GRK3: variants seen among roughly 807,000 people sequenced by gnomAD.
GRK3 encodes G protein-coupled receptor kinase 3, also known as adrenergic, beta, receptor kinase 2.
Under a neutral mutation model 95.7 loss-of-function variants are expected in GRK3, and 54 were observed. The ratio of observed to expected loss-of-function variants is 0.56; its 90% CI spans 0.45 to 0.71. The LOEUF (loss-of-function observed/expected upper bound fraction) is 0.71, where lower values mean the gene tolerates loss of function less well. Among genes scored for constraint, GRK3 ranks in the 30% least tolerant of loss-of-function variants. The pLI, the probability that GRK3 is intolerant of heterozygous loss-of-function variation, is 0.00. For synonymous variants in GRK3, 281 were observed against 290.8 expected, an observed-to-expected ratio of 0.97 and a Z score of 0.34; for missense variants, 649 against 851.2, an observed-to-expected ratio of 0.76 and a Z score of 2.96.
Position 25,592,167 on chromosome 22 carries a change from T to G in GRK3, c.114-12210T>G, listed in dbSNP as rs368064016. Among the ~76,000 whole-genome samples, 30 of 152,326 alleles carry G rather than the reference T, an allele frequency of 2.0e-4. No individual in the cohort carries two copies. In the East Asian group the frequency reaches 3.7e-3, roughly 19 times the overall value. ...AACATTTAGTATGGTCTTTTGTAAT[T>G]GTAGCCACTCTAATAGGTATGTAGT... is the stretch of plus-strand genomic sequence containing the variant. On this transcript the variant is annotated intron_variant, in intron 1 of 20. Transcript: ENST00000324198.
At chr22:25,644,892 G>A (rs2084769736) in intron 3 of GRK3, among the ~76,000 whole-genome samples, 1 of 152,178 alleles carries the variant, frequency 6.6e-6, no homozygotes, top group South Asian at 2.1e-4. Flanking sequence ...GAAGCAATGA[G>A]GGACAGTTGG....
At chr22:25,636,133 ATGT>A (rs2084699571) in intron 2 of GRK3, among the ~76,000 whole-genome samples, 1 of 152,130 alleles carries the variant, frequency 6.6e-6, no homozygotes, top group African/African-American at 2.4e-5. Context: ...TTTAAAGCTC[ATGT>A]TGTTATTTAT....
At chr22:25,649,430 TC>T (rs1226207462) in intron 3 of GRK3, among the ~76,000 whole-genome samples, 1 of 152,218 alleles carries the variant, frequency 6.6e-6, no homozygotes, top group Non-Finnish European at 1.5e-5. Context: ...TGATGAATTT[TC>T]CAACCGATTT....
chr22:25,649,885 A>G (rs2084815929), intron 3 of GRK3, among the ~76,000 whole-genome samples: 1 of 152,206 alleles, frequency 6.6e-6, no homozygotes, highest in South Asian at 2.1e-4. Context: ...TATTAATGGA[A>G]CTGAAAAGTA....
rs1166241783 is a variant in GRK3 at position 25,714,585 on chromosome 22, G to A, written c.1654+15G>A. The A allele has an allele frequency of 9.5e-6, 15 of 1,573,942 alleles. No homozygotes were observed. The highest frequency in any genetic ancestry group is 4.5e-5 in the East Asian group (2 of 44,126). The stretch of plus-strand genomic sequence containing the variant: ...CCACGAAGAAGGTAAAATAGCTCAC[G>A]TGTCTCAAAACATTTCTAATGCAGT... On this transcript the variant is annotated intron_variant, in intron 18 of 20. Transcript: ENST00000324198.
chr22:25,650,115 C>T (rs913091040), intron 3 of GRK3, among the ~76,000 whole-genome samples: 1 of 152,028 alleles, frequency 6.6e-6, no homozygotes, highest in African/African-American at 2.4e-5. Context: ...CCTCAGCCTC[C>T]TGAGTAGCTG....
rs77727908 is a variant in GRK3 at position 25,703,462 on chromosome 22, A to G, written c.1161-48A>G. 2.3e-3 allele frequency: 3,285 copies of G among 1,449,860 alleles called. 59 individuals carry two copies. The African/African-American group carries it at 0.038, about 17-fold the overall frequency. The allele number at this position is 1,449,860 out of a possible 1,614,324, so 89.8% of individuals were successfully genotyped here. The stretch of plus-strand genomic sequence containing the variant: ...CAAATATTAGTCAGTGATATGTTCT[A>G]TATCACCTGATGCCATATTTTGATA... On this transcript the variant is annotated intron_variant, in intron 13 of 20. Coordinates refer to ENST00000324198, the MANE Select transcript of GRK3 (RefSeq NM_005160.4).
intron 9 of GRK3, among the ~76,000 whole-genome samples, chr22:25,679,516 C>T (rs1007613188): frequency 2.0e-5 from 3 of 152,228 alleles, no homozygotes; most frequent in African/African-American, 7.2e-5. Flanking sequence ...CACTTTTACC[C>T]TACATCTTCT....
At chr22:25,615,718 A>G (rs2084532941) in intron 2 of GRK3, among the ~76,000 whole-genome samples, 1 of 146,128 alleles carries the variant, frequency 6.8e-6, no homozygotes, top group African/African-American at 2.6e-5. Context: ...CGGGGGAGAA[A>G]GATCCACAAA....
chr22:25,609,284 A>G (rs1272859106), intron 2 of GRK3, among the ~76,000 whole-genome samples: 2 of 151,524 alleles, frequency 1.3e-5, no homozygotes, highest in Non-Finnish European at 2.9e-5. Context: ...CTGCAAGTTC[A>G]CTCCTGTTAG....
At chr22:25,578,083 TTAAA>T (rs1262170146) in intron 1 of GRK3, among the ~76,000 whole-genome samples, 1 of 152,056 alleles carries the variant, frequency 6.6e-6, no homozygotes, top group Non-Finnish European at 1.5e-5. Context: ...AAGATAAGAG[TTAAA>T]TAAAAATTCT....
intron 1 of GRK3, among the ~76,000 whole-genome samples, chr22:25,565,969 G>A (rs1166640721): frequency 1.3e-5 from 2 of 152,154 alleles, no homozygotes; most frequent in East Asian, 3.8e-4. Flanking sequence ...GAGGGGCTCG[G>A]TGAGGTGCAT....
chr22:25,671,136 A>G (rs12159898), intron 6 of GRK3, among the ~76,000 whole-genome samples: 10,585 of 151,600 alleles, frequency 0.07, 375 homozygotes, highest in Middle Eastern at 0.15. Flanking sequence ...GGCGGATCAC[A>G]AGGTCAGGAG....
chr22:25,594,708 C>G (rs1601460374), intron 1 of GRK3, among the ~76,000 whole-genome samples: 1 of 152,018 alleles, frequency 6.6e-6, no homozygotes, highest in African/African-American at 2.4e-5. Context: ...GAAACCCTGT[C>G]TCTACTGAAA....
chr22:25,718,043 CA>C (rs1481328456), intron 18 of GRK3, among the ~76,000 whole-genome samples: 1 of 152,186 alleles, frequency 6.6e-6, no homozygotes, highest in Non-Finnish European at 1.5e-5. Context: ...ACTGTGTGAG[CA>C]GAGAGAGCTG....
intron 20 of GRK3, among the ~76,000 whole-genome samples, chr22:25,722,028 C>G (rs556372809): frequency 5.3e-5 from 8 of 152,262 alleles, no homozygotes; most frequent in Admixed American, 2.6e-4. Context: ...AATCTCTAAA[C>G]AAATTAAAGG....
At chr22:25,688,072 T>C (rs867331883) in intron 11 of GRK3, among the ~76,000 whole-genome samples, 48 of 151,964 alleles carry the variant, frequency 3.2e-4, no homozygotes, top group African/African-American at 1.1e-3. Flanking sequence ...CCGTCTCTAC[T>C]AAAAATACAA....
chr22:25,594,598 G>T (rs1368794336), intron 1 of GRK3, among the ~76,000 whole-genome samples: 1 of 152,150 alleles, frequency 6.6e-6, no homozygotes, highest in African/African-American at 2.4e-5. Flanking sequence ...TTAAAAACTG[G>T]CCCGGTGCAG....
chr22:25,595,136 T>A (rs2084363737), intron 1 of GRK3, among the ~76,000 whole-genome samples: 1 of 152,114 alleles, frequency 6.6e-6, no homozygotes, highest in Admixed American at 6.5e-5. Context: ...TTCTTGCCAC[T>A]CTTATTCAAC....
Sources: allele counts gnomAD v4.1 joint callset (sites outside exome capture counted in the v4.1 genomes callset), GRCh38; gene constraint gnomAD v4.1.1; transcripts MANE v1.5; gene names NCBI Gene and HGNC (gene_info 2026-07-23, HGNC 2026-07-21).